DYNC1I1: variants seen among roughly 807,000 people sequenced by gnomAD.
DYNC1I1 encodes the protein dynein cytoplasmic 1 intermediate chain 1.
DYNC1I1 carries 43 observed loss-of-function variants against 86.6 expected under a neutral mutation model. The ratio of observed to expected loss-of-function variants is 0.50; its 90% CI spans 0.39 to 0.64. The LOEUF is 0.64. Ranked by LOEUF, DYNC1I1 falls within the 30% of genes least tolerant of loss-of-function variation. The probability of loss-of-function intolerance (pLI) is 0.00; values close to 1 mark genes in which losing one functional copy is unlikely to be tolerated. For missense variants in DYNC1I1, 604 were observed against 788.8 expected (o/e 0.77, Z 2.81); for synonymous variants, 262 against 283.7 (o/e 0.92, Z 0.77).
intron 6 of DYNC1I1, among the ~76,000 whole-genome samples, chr7:95,957,349 C>T (rs1282830429): frequency 6.6e-6 from 1 of 152,158 alleles, no homozygotes; most frequent in Admixed American, 6.5e-5. Context: ...TCCTCCACCC[C>T]ACCCCAACCC....
chr7:95,853,461 G>A (rs1196051123), intron 5 of DYNC1I1, among the ~76,000 whole-genome samples: 2 of 152,146 alleles, frequency 1.3e-5, no homozygotes, highest in Non-Finnish European at 2.9e-5. Context: ...CCAGCCTCCA[G>A]AACTGTGAGC....
intron 10 of DYNC1I1, among the ~76,000 whole-genome samples, chr7:96,000,422 C>T (rs1480519247): frequency 6.6e-6 from 1 of 152,104 alleles, no homozygotes; most frequent in African/African-American, 2.4e-5. Context: ...TTAAACTTAA[C>T]TTTTGACATA....
At chr7:95,888,740 A>G (rs1790662088) in intron 6 of DYNC1I1, among the ~76,000 whole-genome samples, 1 of 152,200 alleles carries the variant, frequency 6.6e-6, no homozygotes, top group African/African-American at 2.4e-5. Context: ...GAAATATTTG[A>G]GACTAAAACA....
intron 11 of DYNC1I1, among the ~76,000 whole-genome samples, chr7:96,030,305 G>A (rs1226038037): frequency 2.7e-5 from 4 of 147,814 alleles, no homozygotes; most frequent in Non-Finnish European, 4.5e-5. Flanking sequence ...GTATACTGTA[G>A]CTTTCTTCTT....
chr7:95,819,083 T>A (rs971153160), intron 4 of DYNC1I1: 2 of 152,058 alleles, frequency 1.3e-5, no homozygotes, highest in African/African-American at 4.8e-5. Flanking sequence ...GGTGGAGAAA[T>A]GTCTTCTGAA....
At chr7:95,955,545 C>G (rs998945603) in intron 6 of DYNC1I1, among the ~76,000 whole-genome samples, 7 of 151,978 alleles carry the variant, frequency 4.6e-5, no homozygotes, top group Non-Finnish European at 1.0e-4. Context: ...GGCTGGTTTT[C>G]AAACTCCTGG....
At chr7:96,084,442 C>CTTTTTTTTTTTTTTT (rs11369815) in intron 16 of DYNC1I1, among the ~76,000 whole-genome samples, 2 of 124,740 alleles carry the variant, frequency 1.6e-5, no homozygotes, top group Non-Finnish European at 3.3e-5. Flanking sequence ...TTTTTCTTTT[C>CTTTTTTTTTTTTTTT]TTTTTTTTTT....
intron 3 of DYNC1I1, 154 bp from the exon 4 acceptor site, chr7:95,813,093 C>CTTTTTTTTTTT (rs11452827): frequency 5.4e-6 from 6 of 1,114,300 alleles, no homozygotes; most frequent in South Asian, 1.9e-5. Flanking sequence ...CTTTTCTTTC[C>CTTTTTTTTTTT]TTTTTTTTTT....
intron 5 of DYNC1I1, among the ~76,000 whole-genome samples, chr7:95,830,945 A>T (rs1365900391): frequency 6.6e-6 from 1 of 152,014 alleles, no homozygotes; most frequent in Non-Finnish European, 1.5e-5. Flanking sequence ...TTGTGGTTTT[A>T]ATTTGCATTT....
At chr7:95,930,782 T>C (rs1450472698) in intron 6 of DYNC1I1, among the ~76,000 whole-genome samples, 1 of 152,192 alleles carries the variant, frequency 6.6e-6, no homozygotes, top group East Asian at 1.9e-4. Context: ...AATGTGTTTT[T>C]GATGTAAAAA....
At chr7:95,819,717 C>T (rs1795032291) in intron 4 of DYNC1I1, among the ~76,000 whole-genome samples, 4 of 152,186 alleles carry the variant, frequency 2.6e-5, no homozygotes, top group South Asian at 2.1e-4. Flanking sequence ...CCAGCCAATT[C>T]GACTTTGGGG....
At chr7:95,776,151 C>T (rs1015424092) in intron 1 of DYNC1I1, among the ~76,000 whole-genome samples, 1 of 152,118 alleles carries the variant, frequency 6.6e-6, no homozygotes, top group Non-Finnish European at 1.5e-5. Flanking sequence ...CGAGATTGCA[C>T]CACTGCAGTC....
intron 16 of DYNC1I1, among the ~76,000 whole-genome samples, chr7:96,105,787 G>GA (rs1415639295): frequency 6.6e-6 from 1 of 152,134 alleles, no homozygotes; most frequent in East Asian, 1.9e-4. Context: ...TTTATTTGTA[G>GA]AAACGTTTTT....
At chr7:95,940,166 C>T (rs1053147877) in intron 6 of DYNC1I1, among the ~76,000 whole-genome samples, 6 of 152,008 alleles carry the variant, frequency 3.9e-5, no homozygotes, top group Non-Finnish European at 7.4e-5. Flanking sequence ...CCGAGAGATC[C>T]GCTGTTAGTC....
chr7:95,807,582 A>C (rs1488733115), intron 2 of DYNC1I1, among the ~76,000 whole-genome samples: 1 of 152,028 alleles, frequency 6.6e-6, no homozygotes, highest in African/African-American at 2.4e-5. Context: ...GATGGACTAC[A>C]TTCTTTCTTG....
chr7:96,102,396 TAAAATC>T (rs1791149211), downstream of DYNC1I1, among the ~76,000 whole-genome samples: 1 of 152,108 alleles, frequency 6.6e-6, no homozygotes, highest in Non-Finnish European at 1.5e-5. Context: ...GGGTGGGAAA[TAAAATC>T]AAGGAAGATT....
At chr7:95,996,597 A>C (rs763463079) in intron 10 of DYNC1I1, among the ~76,000 whole-genome samples, 5 of 152,210 alleles carry the variant, frequency 3.3e-5, no homozygotes, top group Non-Finnish European at 5.9e-5. Context: ...TTCTGGTTTG[A>C]AAATGCAGAG....
chr7:95,994,480 G>A (rs1002083924), intron 9 of DYNC1I1, among the ~76,000 whole-genome samples: 1 of 152,174 alleles, frequency 6.6e-6, no homozygotes, highest in African/African-American at 2.4e-5. Flanking sequence ...TAAAGGATGA[G>A]TTAATTATGT....
intron 5 of DYNC1I1, among the ~76,000 whole-genome samples, chr7:95,869,033 C>T (rs886635499): frequency 7.2e-5 from 11 of 152,292 alleles, no homozygotes; most frequent in East Asian, 1.9e-4. Context: ...AGGAAAACAA[C>T]GGACCAAGAC....
Sources: allele counts gnomAD v4.1 joint callset (sites outside exome capture counted in the v4.1 genomes callset), GRCh38; gene constraint gnomAD v4.1.1; transcripts MANE v1.5; gene names NCBI Gene and HGNC (gene_info 2026-07-23, HGNC 2026-07-21).